YBX1: variants seen among roughly 807,000 people sequenced by gnomAD.
YBX1 encodes Y-box binding protein 1, also known as Y-box-binding protein 1.
YBX1 carries 3 observed loss-of-function variants against 41.4 expected under a neutral mutation model. That is an observed-to-expected ratio of 0.07 (90% CI 0.03 to 0.19). The LOEUF is 0.19. YBX1 is among the 10% of genes least tolerant of loss of function. The probability of loss-of-function intolerance (pLI) is 1.00; values close to 1 mark genes in which losing one functional copy is unlikely to be tolerated. For missense variants in YBX1, 274 were observed against 462.8 expected (o/e 0.59, Z 3.74); for synonymous variants, 133 against 165.8 (o/e 0.80, Z 1.52).
Position 42,697,215 on chromosome 1 carries a change from A to G in YBX1, c.693A>G (p.Arg231=). The change falls in exon 6 of 8, where the codon AGA becomes AGG. Residue 231 remains arginine, a synonymous_variant. Transcript: ENST00000321358. ...ADNQGAGEQG[R]PVRQNMYRGY... is the part of the protein sequence containing the mutation. ...ACCAGGGTGCAGGAGAACAAGGTAGACCAGTGAGGCAGAATATGTATCGGG... is the reference window on the plus strand; with the variant it reads ...ACCAGGGTGCAGGAGAACAAGGTAGGCCAGTGAGGCAGAATATGTATCGGG... The G allele has an allele frequency of 6.2e-7, 1 of 1,614,088 alleles. No homozygotes were observed.
At chr1:42,693,058 A>G (rs1369949897) in intron 2 of YBX1, among the ~76,000 whole-genome samples, 1 of 152,092 alleles carries the variant, frequency 6.6e-6, no homozygotes, top group African/African-American at 2.4e-5. Flanking sequence ...GGGGGTTCTC[A>G]TTTTTATGAT....
chr1:42,697,254 A>G lies in YBX1; in HGVS notation c.732A>G (p.Arg244=), dbSNP rs1445964000. ...RQNMYRGYRP[R]FRRGPPRQRQ... ...ATATGTATCGGGGATATAGACCACG[A>G]TTCCGCAGGTATGGTCCACGTAAAC... Residue 244 remains arginine (R), a synonymous_variant, in exon 6 of 8, where the codon CGA becomes CGG. Transcript: ENST00000321358. The G allele has an allele frequency of 1.9e-6, 3 of 1,613,918 alleles. No individual in the cohort carries two copies. The highest frequency in any genetic ancestry group is 2.5e-6 in the Non-Finnish European group (3 of 1,179,956).
intron 6 of YBX1, among the ~76,000 whole-genome samples, chr1:42,700,292 G>A (rs912846896): frequency 2.0e-5 from 3 of 152,066 alleles, no homozygotes; most frequent in African/African-American, 7.2e-5. Context: ...CTGGGGGAAA[G>A]AAAATCCCAA....
intron 2 of YBX1, among the ~76,000 whole-genome samples, chr1:42,690,633 C>G (rs936044923): frequency 6.6e-6 from 1 of 152,174 alleles, no homozygotes; most frequent in African/African-American, 2.4e-5. Context: ...CTTTATCCAG[C>G]TTTGGAGTTC....
chr1:42,684,184 T>A (rs895535837), intron 2 of YBX1, among the ~76,000 whole-genome samples: 1 of 152,236 alleles, frequency 6.6e-6, no homozygotes, highest in Non-Finnish European at 1.5e-5. Flanking sequence ...TAACTTGACA[T>A]TTTTCTTCCT....
rs1650630398 is a variant in YBX1, at chr1:42,702,534, AC to A, written c.*586del. Among the ~76,000 whole-genome samples, 2 of 152,222 alleles carry A rather than the reference AC, an allele frequency of 1.3e-5. No individual in the cohort carries two copies. The highest frequency in any genetic ancestry group is 1.3e-4 in the Admixed American group (2 of 15,280). ...GGGCCCATACTAAAAATTAGAAAAT[AC>A]ATACTCTGATAACCTGGCCATTTTT... On this transcript the variant is annotated 3_prime_UTR_variant, in exon 8 of 8. Coordinates refer to ENST00000321358, the MANE Select transcript of YBX1 (RefSeq NM_004559.5).
At chr1:42,692,326 T>C (rs1650360514) in intron 2 of YBX1, among the ~76,000 whole-genome samples, 1 of 152,196 alleles carries the variant, frequency 6.6e-6, no homozygotes, top group South Asian at 2.1e-4. Flanking sequence ...GTGGTGCCTA[T>C]GGAGTTATGG....
chr1:42,684,045 C>T (rs938126216), intron 2 of YBX1, among the ~76,000 whole-genome samples: 1 of 152,190 alleles, frequency 6.6e-6, no homozygotes, highest in African/African-American at 2.4e-5. Context: ...AATATATTTA[C>T]AAGAAAGTGG....
At chr1:42,698,207 T>C (rs1245063717) in intron 6 of YBX1, among the ~76,000 whole-genome samples, 3 of 152,244 alleles carry the variant, frequency 2.0e-5, no homozygotes, top group African/African-American at 7.2e-5. Context: ...TAGTGAAGTT[T>C]TAGGAACTAG....
chr1:42,696,962 C>A lies in YBX1; in HGVS notation c.657+18C>A. On this transcript the variant is annotated intron_variant, in intron 5 of 7. Transcript: ENST00000321358. This position sits in a 1 kb window ranked among gnomAD's most constrained non-coding sequence, Gnocchi z 5.7. ...TGATGGAGGTAAGTTTCACCATCAA[C>A]AACAGCAATGTGATAAGTTCTGGTA... 1 of 1,542,756 alleles carries A rather than the reference C, an allele frequency of 6.5e-7. No homozygotes were observed. Among genetic ancestry groups the A allele is most frequent in the Non-Finnish European group, 8.7e-7 (1 of 1,144,624 alleles).
At chr1:42,698,409 G>A (rs1053519481) in intron 6 of YBX1, among the ~76,000 whole-genome samples, 1 of 152,230 alleles carries the variant, frequency 6.6e-6, no homozygotes, top group Non-Finnish European at 1.5e-5. Context: ...CCAGGAGATT[G>A]TGTTAGCCAG....
chr1:42,682,872 C>G lies in YBX1; in HGVS notation c.166+141C>G, dbSNP rs1231088765. The G allele has an allele frequency of 3.5e-5, 12 of 347,582 alleles. No homozygotes were observed. The South Asian group carries it at 4.1e-4, about 12-fold the overall frequency. 21.5% of individuals were successfully genotyped at this position (347,582 alleles called of 1,614,324 possible). Reference sequence around the variant, plus strand: ...GCGGCCGCCCATCCCCCCCGTCCCCCCCTCACTCCCTCTCGCGGGGACCCG... The same window carrying G: ...GCGGCCGCCCATCCCCCCCGTCCCCGCCTCACTCCCTCTCGCGGGGACCCG... On this transcript the variant is annotated intron_variant, in intron 1 of 7. Transcript: ENST00000321358.
chr1:42,701,549 ATGT>A (rs1397462634), intron 7 of YBX1, among the ~76,000 whole-genome samples: 28 of 147,438 alleles, frequency 1.9e-4, no homozygotes, highest in African/African-American at 6.7e-4. Flanking sequence ...TTGTTGGTTT[ATGT>A]TGTTCCCGGA....
chr1:42,696,522 C>CGGGGGGG lies in YBX1; in HGVS notation c.355-120_355-119insGGGGGGG. 5 of 637,554 alleles carry CGGGGGGG rather than the reference C, an allele frequency of 7.8e-6. No homozygotes were observed. The highest frequency in any genetic ancestry group is 9.5e-6 in the Non-Finnish European group (4 of 420,674). 39.5% of individuals were successfully genotyped at this position (637,554 alleles called of 1,614,324 possible). A position where few individuals can be genotyped will look rare whatever the true frequency, so the allele number is the denominator to read the frequency against. On this transcript the variant is annotated intron_variant, in intron 4 of 7. Transcript: ENST00000321358. The surrounding 1 kb of genome is among the most constrained non-coding windows in gnomAD (Gnocchi z 5.7). ...GGTCACGCAGTTGCGCCCCCCCCCC[C>CGGGGGGG]TTTTTTTTCCTTAACTTTGTTGTTT...
At position 42,700,916 on chromosome 1, in the gene YBX1, A is replaced by G; in HGVS notation, c.876A>G (p.Pro292=). ...RRNFNYRRRR[P]ENPKPQDGKE... The stretch of plus-strand genomic sequence containing the variant: ...ACTTCAATTACCGACGCAGACGCCC[A>G]GAAAACCCTAAACCACAAGATGGCA... Residue 292 remains proline (P), a synonymous_variant, in exon 7 of 8, where the codon CCA becomes CCG. Coordinates refer to ENST00000321358, the MANE Select transcript of YBX1 (RefSeq NM_004559.5). 6.2e-7 allele frequency: 1 copy of G among 1,614,166 alleles called. No homozygotes were observed. Among genetic ancestry groups the G allele is most frequent in the Non-Finnish European group, 8.5e-7 (1 of 1,180,038 alleles).
intron 2 of YBX1, among the ~76,000 whole-genome samples, 187 bp from the exon 3 acceptor site, chr1:42,693,303 A>G (rs943412176): frequency 6.6e-6 from 1 of 151,270 alleles, no homozygotes; most frequent in Non-Finnish European, 1.5e-5. Flanking sequence ...CTTACGGGTA[A>G]TGAGGCTACA....
intron 5 of YBX1, 106 bp from the exon 6 acceptor site, chr1:42,697,074 T>A: frequency 6.8e-7 from 1 of 1,470,662 alleles, no homozygotes; most frequent in Non-Finnish European, 9.1e-7. Context: ...TAGTCACAAT[T>A]ACTAGATGGT....
intron 3 of YBX1, 107 bp downstream of exon 3, chr1:42,693,630 C>A: frequency 1.7e-6 from 2 of 1,171,294 alleles, no homozygotes; most frequent in Non-Finnish European, 2.5e-6. Context: ...GTCCAACCAC[C>A]AGTTTATTTA....
chr1:42,698,585 C>T (rs1557534929), intron 6 of YBX1, among the ~76,000 whole-genome samples: 1 of 152,146 alleles, frequency 6.6e-6, no homozygotes, highest in Non-Finnish European at 1.5e-5. Context: ...CATTGATGTC[C>T]TTAAAAATAG....
Sources: allele counts gnomAD v4.1 joint callset (sites outside exome capture counted in the v4.1 genomes callset), GRCh38; gene constraint gnomAD v4.1.1; non-coding constraint Gnocchi (gnomAD v3.1); transcripts MANE v1.5; gene names NCBI Gene and HGNC (gene_info 2026-07-23, HGNC 2026-07-21).